Variants in ETV1 observed in about 807,000 individuals in gnomAD.
ETV1 encodes ETS variant transcription factor 1.
Under a neutral mutation model 62.3 loss-of-function variants are expected in ETV1, and 27 were observed. The observed-to-expected ratio is 0.43, with a 90% CI of 0.32 to 0.60. The LOEUF is 0.60. ETV1 is among the 20% of genes least tolerant of loss of function. ETV1 has a pLI of 0.06. For missense variants in ETV1, 605 were observed against 605.8 expected, an observed-to-expected ratio of 1.00 and a Z score of 0.01; for synonymous variants, 222 against 199.6, an observed-to-expected ratio of 1.11 and a Z score of -0.94.
chr7:13,943,997 G>A (rs972445862), intron 6 of ETV1, among the ~76,000 whole-genome samples: 3 of 152,128 alleles, frequency 2.0e-5, no homozygotes, highest in African/African-American at 7.2e-5. Flanking sequence ...TATTCCAGAT[G>A]GGTAGGAAAT....
chr7:13,933,540 G>C (rs1205220912), intron 8 of ETV1, among the ~76,000 whole-genome samples: 2 of 152,218 alleles, frequency 1.3e-5, no homozygotes, highest in Non-Finnish European at 2.9e-5. Flanking sequence ...GAGTGAGGCT[G>C]AGGAAAGGAA....
intron 6 of ETV1, chr7:13,958,732 C>T (rs941948479): frequency 6.6e-6 from 1 of 152,260 alleles, no homozygotes; most frequent in African/African-American, 2.4e-5. Context: ...CAGGACAATC[C>T]ACCTAACTAC....
intron 13 of ETV1, among the ~76,000 whole-genome samples, chr7:13,896,596 T>A (rs1427138891): frequency 1.3e-5 from 2 of 151,996 alleles, no homozygotes; most frequent in East Asian, 3.9e-4. Flanking sequence ...AGTAATTCAC[T>A]GATTCACAGA....
At chr7:13,965,273 G>A (rs767559436) in intron 6 of ETV1, among the ~76,000 whole-genome samples, 5 of 152,142 alleles carry the variant, frequency 3.3e-5, no homozygotes, top group African/African-American at 7.2e-5. Context: ...AATAGTTCCC[G>A]AACACCATGT....
At chr7:13,938,470 GAC>G (rs144087386) in intron 7 of ETV1, among the ~76,000 whole-genome samples, 9,233 of 152,204 alleles carry the variant, frequency 0.061, 804 homozygotes, top group African/African-American at 0.2. Context: ...ACTCAGTAGA[GAC>G]AGCCAACTTT....
In ETV1 at chr7:13,896,061, C is replaced by T. The variant is rs1463103369; in HGVS notation, c.1239G>A (p.Lys413=). 1.2e-6 allele frequency: 2 copies of T among 1,613,502 alleles called. No homozygotes were observed. ...AAAGGGCTTCTGGATCACACACAAA[C>T]TTGTAGACATATCTCTCTCCAGCCA... ...QKVAGERYVY[K]FVCDPEALFS... Residue 413 remains lysine, a synonymous_variant, in exon 14 of 14, where the codon AAG becomes AAA. Transcript: ENST00000430479.
rs141554130 is a variant in ETV1, at chr7:13,982,318, C to T, written c.181+4320G>A. On this transcript the variant is annotated intron_variant, in intron 5 of 13. Transcript: ENST00000430479. ...AATCAAAGGGAATAAAGTTATACTACAAAATGTAACAAACTGCACATTTCC... is the reference window on the plus strand; with the variant it reads ...AATCAAAGGGAATAAAGTTATACTATAAAATGTAACAAACTGCACATTTCC... 3.6e-3 allele frequency among the ~76,000 whole-genome samples: 551 copies of T among 152,046 alleles called. 2 individuals are homozygous for T. Among genetic ancestry groups the T allele is most frequent in the African/African-American group, 0.012 (507 of 41,516 alleles).
chr7:13,942,816 C>A (rs188906679), intron 6 of ETV1, among the ~76,000 whole-genome samples: 2 of 152,064 alleles, frequency 1.3e-5, no homozygotes, highest in African/African-American at 2.4e-5. Context: ...AATAAATATG[C>A]ATGCAGTATG....
chr7:13,908,931 G>A (rs997632352), intron 11 of ETV1, among the ~76,000 whole-genome samples: 1 of 151,800 alleles, frequency 6.6e-6, no homozygotes, highest in Non-Finnish European at 1.5e-5. Flanking sequence ...TCAATTAACT[G>A]TTTACTTTTT....
intron 6 of ETV1, among the ~76,000 whole-genome samples, chr7:13,966,404 G>A (rs1411418632): frequency 2.0e-5 from 3 of 152,088 alleles, no homozygotes; most frequent in South Asian, 2.1e-4. Context: ...GGGCCAAGGC[G>A]GGAGGATTGC....
At chr7:13,944,886 A>T (rs1787970100) in intron 6 of ETV1, among the ~76,000 whole-genome samples, 1 of 152,210 alleles carries the variant, frequency 6.6e-6, no homozygotes, top group African/African-American at 2.4e-5. Flanking sequence ...ACATGCACAC[A>T]GGGAGACTGC....
rs1234322213 is a variant in ETV1, at chr7:13,936,440, C to T, written c.366-544G>A. ...TTAAATAAATGATGCTTGGCATTAA[C>T]TTCCCCACATGGGATAATGAAGATT... On this transcript the variant is annotated intron_variant, in intron 7 of 13. Coordinates refer to ENST00000430479, the MANE Select transcript of ETV1 (RefSeq NM_004956.5). Among the ~76,000 whole-genome samples the T allele has an allele frequency of 2.0e-5, 3 of 152,016 alleles. No homozygotes were observed. In the East Asian group the frequency reaches 5.8e-4, roughly 29 times the overall value.
At chr7:13,947,828 C>T (rs1383439471) in intron 6 of ETV1, among the ~76,000 whole-genome samples, 4 of 152,054 alleles carry the variant, frequency 2.6e-5, no homozygotes, top group African/African-American at 9.7e-5. Context: ...GAATATGGAG[C>T]TATGGAATGA....
chr7:13,905,669 T>C (rs920834515), intron 12 of ETV1, among the ~76,000 whole-genome samples: 9 of 152,172 alleles, frequency 5.9e-5, no homozygotes, highest in African/African-American at 9.7e-5. Context: ...GAGGGGACAA[T>C]TGAAGTTAGT....
chr7:13,961,904 A>G (rs1233492014), intron 6 of ETV1, among the ~76,000 whole-genome samples: 3 of 152,170 alleles, frequency 2.0e-5, no homozygotes, highest in Admixed American at 2.0e-4. Context: ...ATCAACAGCA[A>G]AAGGTCAAGT....
intron 9 of ETV1, among the ~76,000 whole-genome samples, chr7:13,929,099 C>T (rs1441526827): frequency 6.6e-6 from 1 of 152,134 alleles, no homozygotes; most frequent in African/African-American, 2.4e-5. Flanking sequence ...AAAACTACAA[C>T]AAATTAAAAT....
At chr7:13,966,332 A>C (rs1780282445) in intron 6 of ETV1, among the ~76,000 whole-genome samples, 1 of 152,114 alleles carries the variant, frequency 6.6e-6, no homozygotes, top group South Asian at 2.1e-4. Context: ...ACATTTTGTT[A>C]AAATAAGTAT....
Position 13,892,293 on chromosome 7 carries a change from G to A in ETV1, c.*3573C>T. ...TTTCATGACTTAGTGTTTTCCTGGG[G>A]GCTGGGGAAGGATTTGAATAATCTA... On this transcript the variant is annotated 3_prime_UTR_variant, in exon 14 of 14. Coordinates refer to ENST00000430479, the MANE Select transcript of ETV1 (RefSeq NM_004956.5). 1 of 232,408 alleles carries A rather than the reference G, an allele frequency of 4.3e-6. No individual in the cohort carries two copies. Among genetic ancestry groups the A allele is most frequent in the Non-Finnish European group, 8.5e-6 (1 of 117,766 alleles). The allele number at this position is 232,408 out of a possible 1,614,324, so 14.4% of individuals were successfully genotyped here. A position where few individuals can be genotyped will look rare whatever the true frequency, so the allele number is the denominator to read the frequency against.
chr7:13,919,056 C>A (rs1402470865), intron 9 of ETV1, among the ~76,000 whole-genome samples: 1 of 152,080 alleles, frequency 6.6e-6, no homozygotes, highest in East Asian at 1.9e-4. Flanking sequence ...GAAGAAGTAT[C>A]TAGTCAAAAT....
Sources: gnomAD v4.1 joint callset for allele counts (sites outside exome capture counted in the v4.1 genomes callset) on GRCh38, gnomAD v4.1.1 for gene constraint, MANE v1.5 for transcripts, NCBI Gene and HGNC (gene_info 2026-07-23, HGNC 2026-07-21) for gene names.